Variants in CLVS1 observed in about 807,000 individuals in gnomAD.
The protein encoded by CLVS1 is clavesin 1, also known as clavesin-1.
In CLVS1, 10 loss-of-function variants were observed where a neutral mutation model predicts 33.1. That is an observed-to-expected ratio of 0.30 (90% CI 0.19 to 0.51). The LOEUF is 0.51. Among genes scored for constraint, CLVS1 ranks in the 20% least tolerant of loss-of-function variants. The pLI is 0.97. For missense variants in CLVS1, 343 were observed against 433.4 expected (o/e 0.79, Z 1.85); for synonymous variants, 163 against 166.1 (o/e 0.98, Z 0.14).
chr8:61,363,399 T>C (rs1162220985), intron 2 of CLVS1, among the ~76,000 whole-genome samples: 2 of 152,242 alleles, frequency 1.3e-5, no homozygotes, highest in Non-Finnish European at 2.9e-5. Context: ...TTACAGTATC[T>C]CCTGCAGTGT....
intron 3 of CLVS1, among the ~76,000 whole-genome samples, chr8:61,387,546 G>A (rs568294742): frequency 4.6e-5 from 6 of 130,174 alleles, no homozygotes; most frequent in Admixed American, 3.6e-4. Flanking sequence ...AAGTTCTTTA[G>A]TGGTGATTTC....
chr8:61,429,659 T>C (rs969700029), intron 3 of CLVS1, among the ~76,000 whole-genome samples: 2 of 152,140 alleles, frequency 1.3e-5, no homozygotes, highest in Non-Finnish European at 2.9e-5. Flanking sequence ...ATGTGTATGT[T>C]TGGAATCATT....
At chr8:61,411,549 G>A (rs190641481) in intron 3 of CLVS1, among the ~76,000 whole-genome samples, 5 of 152,332 alleles carry the variant, frequency 3.3e-5, no homozygotes, top group Non-Finnish European at 7.3e-5. Context: ...ACCCTATGCC[G>A]AGGCAGCAGC....
At chr8:61,213,589 G>T (rs1482177878) in intron 2 of CLVS1, among the ~76,000 whole-genome samples, 1 of 151,888 alleles carries the variant, frequency 6.6e-6, no homozygotes, top group African/African-American at 2.4e-5. Context: ...AAATTGTAAA[G>T]ATTTCATGGA....
intron 3 of CLVS1, among the ~76,000 whole-genome samples, chr8:61,452,741 G>A (rs1817007567): frequency 6.6e-6 from 1 of 152,194 alleles, no homozygotes; most frequent in South Asian, 2.1e-4. Context: ...TACATATTCT[G>A]AAGGCAAAGG....
chr8:61,183,953 G>A (rs1242080173), intron 2 of CLVS1, among the ~76,000 whole-genome samples: 1 of 152,126 alleles, frequency 6.6e-6, no homozygotes, highest in Non-Finnish European at 1.5e-5. Flanking sequence ...GTGTTGTTTC[G>A]GAAAAAGTAA....
intron 2 of CLVS1, among the ~76,000 whole-genome samples, chr8:61,343,146 T>G (rs1206855961): frequency 2.0e-5 from 3 of 152,246 alleles, no homozygotes; most frequent in African/African-American, 7.2e-5. Flanking sequence ...TGGTACAGCA[T>G]GATTCTGTTA....
chr8:61,467,046 T>A (rs972388574), intron 5 of CLVS1, among the ~76,000 whole-genome samples: 2 of 152,246 alleles, frequency 1.3e-5, no homozygotes, highest in Non-Finnish European at 2.9e-5. Context: ...TCTTCAAATA[T>A]ATGTATCTGT....
chr8:61,009,500 T>C, the CLVS1 span, among the ~76,000 whole-genome samples: 1 of 151,952 alleles, frequency 6.6e-6, no homozygotes, highest in East Asian at 1.9e-4. Flanking sequence ...TATTTTGATG[T>C]TTTTGTTTAT....
intron 2 of CLVS1, among the ~76,000 whole-genome samples, chr8:61,355,117 A>T (rs1454223671): frequency 2.0e-5 from 3 of 152,118 alleles, no homozygotes; most frequent in South Asian, 2.1e-4. Context: ...CTGAGCTATG[A>T]TATAGCACTT....
chr8:61,010,266 C>G, the CLVS1 span, among the ~76,000 whole-genome samples: 97 of 152,314 alleles, frequency 6.4e-4, no homozygotes, highest in African/African-American at 2.2e-3. Flanking sequence ...GAGAGGCAGA[C>G]TCGTTTGTCT....
chr8:61,482,112 T>A (rs2129608241), intron 5 of CLVS1, among the ~76,000 whole-genome samples: 1 of 152,220 alleles, frequency 6.6e-6, no homozygotes, highest in South Asian at 2.1e-4. Flanking sequence ...TCCAGCAAAC[T>A]CCAACAGATC....
intron 1 of CLVS1, among the ~76,000 whole-genome samples, chr8:61,090,339 C>T (rs1437156049): frequency 6.6e-6 from 1 of 152,116 alleles, no homozygotes; most frequent in Non-Finnish European, 1.5e-5. Flanking sequence ...TTATCCTGTC[C>T]ACGCTGTCTG....
chr8:61,335,828 C>T (rs1016152470), intron 2 of CLVS1, among the ~76,000 whole-genome samples: 1 of 152,146 alleles, frequency 6.6e-6, no homozygotes, highest in African/African-American at 2.4e-5. Flanking sequence ...GAGCAGATAT[C>T]AAAGCATCCC....
intron 3 of CLVS1, among the ~76,000 whole-genome samples, chr8:61,437,064 G>A (rs907759069): frequency 2.6e-5 from 4 of 152,166 alleles, no homozygotes; most frequent in African/African-American, 7.2e-5. Context: ...AAACAGTAGG[G>A]AGGGGTCTAT....
intron 1 of CLVS1, among the ~76,000 whole-genome samples, chr8:61,075,452 C>A (rs1804893723): frequency 6.6e-6 from 1 of 152,212 alleles, no homozygotes; most frequent in Non-Finnish European, 1.5e-5. Context: ...AGGATCTGAG[C>A]TGTGCTAAGA....
At chr8:61,187,799 T>C (rs1443777894) in intron 2 of CLVS1, among the ~76,000 whole-genome samples, 5 of 149,800 alleles carry the variant, frequency 3.3e-5, no homozygotes, top group Non-Finnish European at 7.4e-5. Context: ...TAAAATCTTA[T>C]ACATAGATTA....
chr8:61,328,540 T>A (rs942004160), intron 2 of CLVS1, among the ~76,000 whole-genome samples: 6 of 152,046 alleles, frequency 3.9e-5, no homozygotes, highest in African/African-American at 9.7e-5. Context: ...TTTTTTTTTT[T>A]AATCACTTCC....
chr8:61,499,743 T>C lies in CLVS1; in HGVS notation c.*201T>C, dbSNP rs552895867. 22 of 399,984 alleles carry C rather than the reference T, an allele frequency of 5.5e-5. No homozygotes were observed. Among genetic ancestry groups the C allele is most frequent in the African/African-American group, 2.0e-4 (10 of 50,456 alleles). 24.8% of individuals were successfully genotyped at this position (399,984 alleles called of 1,614,324 possible). On this transcript the variant is annotated 3_prime_UTR_variant, in exon 6 of 6. Transcript: ENST00000325897. ...CAAAGACTTGAGAGATGCTTTTTTT[T>C]TCCCCCAGTGAGGGGACTGGAGGAT... is the stretch of plus-strand genomic sequence containing the variant.
Sources: allele counts gnomAD v4.1 joint callset (sites outside exome capture counted in the v4.1 genomes callset), GRCh38; gene constraint gnomAD v4.1.1; transcripts MANE v1.5; gene names NCBI Gene and HGNC (gene_info 2026-07-23, HGNC 2026-07-21).